Variants in MMP3 observed in about 807,000 individuals in gnomAD.
The protein encoded by MMP3 is stromelysin-1.
Under a neutral mutation model 47.3 loss-of-function variants are expected in MMP3, and 46 were observed. That is an observed-to-expected ratio of 0.97 (90% CI 0.77 to 1.24). MMP3 has a LOEUF of 1.24. Ranked by LOEUF, MMP3 falls within the 50% of genes most tolerant of loss-of-function variation. The pLI is 0.00. For missense variants in MMP3, 558 were observed against 565.5 expected (o/e 0.99, Z 0.13); for synonymous variants, 216 against 206.5 (o/e 1.05, Z -0.39).
chr11:102,840,778 C>T (rs987849957), intron 4 of MMP3, among the ~76,000 whole-genome samples, 185 bp from the exon 5 acceptor site: 8 of 152,092 alleles, frequency 5.3e-5, no homozygotes, highest in Non-Finnish European at 1.2e-4. Context: ...TATTTTAAAA[C>T]TCATACCTGT....
At chr11:102,842,404 CTTT>C (rs11418340) in intron 3 of MMP3, 24 bp downstream of exon 3, 68,321 of 785,474 alleles carry the variant, frequency 0.087, 113 homozygotes, top group Non-Finnish European at 0.097. Context: ...TTTTGTTTTG[CTTT>C]TTTTTTTTTT....
chr11:102,839,163 C>T lies in MMP3; in HGVS notation c.1016G>A (p.Gly339Asp). The change falls in exon 7 of 10, where the codon GGC (glycine) becomes GAC (aspartate). Residue 339 changes from glycine to aspartate, a missense_variant. Coordinates refer to ENST00000299855, the MANE Select transcript of MMP3 (RefSeq NM_002422.5). ...AGTAACTTCATATGCGGCATCCACG[C>T]CTGAAGGAAGAGATGGCCAAAATGA... ...ISSFWPSLPS[G>D]VDAAYEVTSK... The T allele has an allele frequency of 1.2e-6, 2 of 1,614,030 alleles. No individual in the cohort carries two copies. The highest frequency in any genetic ancestry group is 1.1e-5 in the South Asian group (1 of 91,066).
chr11:102,840,488 G>A lies in MMP3; in HGVS notation c.731C>T (p.Thr244Ile), dbSNP rs1381652352. The A allele has an allele frequency of 1.2e-6, 2 of 1,614,018 alleles. No homozygotes were observed. The highest frequency in any genetic ancestry group is 1.7e-6 in the Non-Finnish European group (2 of 1,180,002). Reference protein sequence around the residue: ...ALMYPLYHSLTDLTRFRLSQD... With the variant: ...ALMYPLYHSLIDLTRFRLSQD... ...AGACAGGCGGAACCGAGTCAGGTCTGTGAGTGAGTGATAGAGTGGGTACAT... is the reference window on the plus strand; with the variant it reads ...AGACAGGCGGAACCGAGTCAGGTCTATGAGTGAGTGATAGAGTGGGTACAT... Residue 244 changes from threonine to isoleucine, a missense_variant, in exon 5 of 10, where the codon ACA (threonine) becomes ATA (isoleucine). Coordinates refer to ENST00000299855, the MANE Select transcript of MMP3 (RefSeq NM_002422.5).
In MMP3 at chr11:102,838,548, C is replaced by T; in HGVS notation, c.1229+3G>A. 1 of 1,609,230 alleles carries T rather than the reference C, an allele frequency of 6.2e-7. No homozygotes were observed. The highest frequency in any genetic ancestry group is 8.5e-7 in the Non-Finnish European group (1 of 1,178,402). ...ATACAAAGTCATTTCTCTTGCATCT[C>T]ACCTCCAGTATTTGTCCTCTACAAA... On this transcript the variant is annotated splice_donor_region_variant and intron_variant, in intron 8 of 9. Coordinates refer to ENST00000299855, the MANE Select transcript of MMP3 (RefSeq NM_002422.5).
chr11:102,839,095 T>G lies in MMP3; in HGVS notation c.1069+15A>C, dbSNP rs1555005026. On this transcript the variant is annotated intron_variant, in intron 7 of 9. Transcript: ENST00000299855. Reference sequence around the variant, plus strand: ...TTACTTTGGCAAGTTAAACAAATGATGATATAGTAATTACCTTTAAAAATG... The same window carrying G: ...TTACTTTGGCAAGTTAAACAAATGAGGATATAGTAATTACCTTTAAAAATG... The G allele has an allele frequency of 3.7e-6, 6 of 1,602,850 alleles. No individual in the cohort carries two copies. The highest frequency in any genetic ancestry group is 5.1e-6 in the Non-Finnish European group (6 of 1,176,104).
rs1555005072 is a variant in MMP3 at position 102,839,219 on chromosome 11, C to T, written c.960G>A (p.Arg320=). 3 of 1,613,860 alleles carry T rather than the reference C, an allele frequency of 1.9e-6. No homozygotes were observed. Among genetic ancestry groups the T allele is most frequent in the South Asian group, 2.2e-5 (2 of 91,034 alleles). ...TCAAATGCAATTCAGGTTCAAGCTT[C>T]CTGAGGGATTTGCGCCAAAAGTGCC... ...KDRHFWRKSL[R]KLEPELHLIS... Residue 320 remains arginine, a synonymous_variant, in exon 7 of 10, where the codon AGG becomes AGA. Coordinates refer to ENST00000299855, the MANE Select transcript of MMP3 (RefSeq NM_002422.5).
Position 102,842,932 on chromosome 11 carries a change from T to C in MMP3, c.106-16A>G. On this transcript the variant is annotated splice_polypyrimidine_tract_variant and intron_variant, in intron 1 of 9. Coordinates refer to ENST00000299855, the MANE Select transcript of MMP3 (RefSeq NM_002422.5). ...CTAGATATTTCTAACAGAATAAGTA[T>C]AGTTTTTAGGTCACTCTTACAATTT... 6.4e-7 allele frequency: 1 copy of C among 1,574,406 alleles called. No homozygotes were observed. Among genetic ancestry groups the C allele is most frequent in the Non-Finnish European group, 8.6e-7 (1 of 1,158,090 alleles).
intron 4 of MMP3, 88 bp downstream of exon 4, chr11:102,842,066 C>A (rs1225122368): frequency 3.1e-6 from 4 of 1,305,464 alleles, no homozygotes; most frequent in Non-Finnish European, 4.0e-6. Flanking sequence ...TCCAGAACAT[C>A]TCATTTCTTG....
chr11:102,840,161 C>A lies in MMP3; in HGVS notation c.882G>T (p.Leu294Phe), dbSNP rs782356418. The A allele has an allele frequency of 6.2e-7, 1 of 1,614,010 alleles. No homozygotes were observed. The highest frequency in any genetic ancestry group is 8.5e-7 in the Non-Finnish European group (1 of 1,179,996). ...PGTPANCDPA[L>F]SFDAVSTLRG... ...TCAGAGTGCTGACAGCATCAAAGGA[C>A]AAAGCAGGATCACAGTTGGCTGGCG... Residue 294 changes from leucine to phenylalanine, a missense_variant, in exon 6 of 10, where the codon TTG (leucine) becomes TTT (phenylalanine). Transcript: ENST00000299855.
Position 102,842,716 on chromosome 11 carries a change from G to A in MMP3, c.306C>T (p.Thr102=), listed in dbSNP as rs41380244. The A allele has an allele frequency of 2.2e-5, 35 of 1,613,756 alleles. No individual in the cohort carries two copies. Among genetic ancestry groups the A allele is most frequent in the Admixed American group, 1.0e-4 (6 of 59,938 alleles). ...TCCTCCACTTCGGGATGCCAGGAAA[G>A]GTTCTGAAGTGACCAACATCAGGAA... The part of the protein sequence containing the change: ...CGVPDVGHFR[T]FPGIPKWRKT... Residue 102 remains threonine, a synonymous_variant, in exon 2 of 10, where the codon ACC becomes ACT. Coordinates refer to ENST00000299855, the MANE Select transcript of MMP3 (RefSeq NM_002422.5).
At chr11:102,838,832 G>T in intron 7 of MMP3, 122 bp from the exon 8 acceptor site, 1 of 1,212,658 alleles carries the variant, frequency 8.2e-7, no homozygotes. Flanking sequence ...TTTAGATTTA[G>T]TCACCAGCTT....
At position 102,837,291 on chromosome 11, in the gene MMP3, C is replaced by A. The variant is rs376779867; in HGVS notation, c.1333+7G>T. 3 of 1,602,592 alleles carry A rather than the reference C, an allele frequency of 1.9e-6. No homozygotes were observed. In the South Asian group the frequency reaches 3.3e-5, roughly 18 times the overall value. ...CTCTATGGCCAACACAGTAAGTATC[C>A]TCTTACCAAATTCTTCAAAAACAGC... On this transcript the variant is annotated splice_region_variant and intron_variant, in intron 9 of 9. Coordinates refer to ENST00000299855, the MANE Select transcript of MMP3 (RefSeq NM_002422.5). This position sits in a 1 kb window ranked among gnomAD's most constrained non-coding sequence, Gnocchi z 4.4.
chr11:102,841,007 C>T (rs1225232390), intron 4 of MMP3, among the ~76,000 whole-genome samples: 1 of 152,184 alleles, frequency 6.6e-6, no homozygotes, highest in East Asian at 1.9e-4. Context: ...TTGCCATTTG[C>T]AGTCTCAGTT....
At chr11:102,840,640 G>T (rs782305117) in intron 4 of MMP3, 47 bp from the exon 5 acceptor site, 13 of 1,590,182 alleles carry the variant, frequency 8.2e-6, no homozygotes, top group Non-Finnish European at 2.6e-6. Flanking sequence ...TTAAATACAT[G>T]TGCATTACAC....
chr11:102,839,022 C>G (rs994502073), intron 7 of MMP3, 88 bp downstream of exon 7: 1 of 1,436,480 alleles, frequency 7.0e-7, no homozygotes, highest in East Asian at 2.3e-5. Context: ...TTAGCCAGAA[C>G]TTGTAGTAGG....
At chr11:102,838,817 C>A in intron 7 of MMP3, 107 bp from the exon 8 acceptor site, 1 of 1,314,316 alleles carries the variant, frequency 7.6e-7, no homozygotes, top group South Asian at 1.4e-5. Flanking sequence ...AGTAGTAGCC[C>A]AAATTTTAGA....
Position 102,839,965 on chromosome 11 carries a change from G to A in MMP3, c.935+143C>T, listed in dbSNP as rs573995015. The stretch of plus-strand genomic sequence containing the variant: ...CAATTTTAGGAAAATGTGGGAAAAG[G>A]CAGCACCAGATCTAAATGATTCCAA... On this transcript the variant is annotated intron_variant, in intron 6 of 9. Coordinates refer to ENST00000299855, the MANE Select transcript of MMP3 (RefSeq NM_002422.5). 2.8e-5 allele frequency: 25 copies of A among 879,844 alleles called. No homozygotes were observed. In the African/African-American group the frequency reaches 3.4e-4, roughly 12 times the overall value. 54.5% of individuals were successfully genotyped at this position (879,844 alleles called of 1,614,324 possible).
At chr11:102,842,963 A>G (rs782159413) in intron 1 of MMP3, 47 bp from the exon 2 acceptor site, 6 of 1,453,382 alleles carry the variant, frequency 4.1e-6, no homozygotes, top group African/African-American at 2.9e-5. Context: ...AATTTTTACT[A>G]TAGCTATCTA....
chr11:102,837,455 C>G lies in MMP3; in HGVS notation c.1230-54G>C. 8.0e-7 allele frequency: 1 copy of G among 1,251,608 alleles called. No individual in the cohort carries two copies. Among genetic ancestry groups the G allele is most frequent in the East Asian group, 2.3e-5 (1 of 43,094 alleles). 77.5% of individuals were successfully genotyped at this position (1,251,608 alleles called of 1,614,324 possible). ...ATTGCATAGAGGCCATGTTACCGAA[C>G]ATCTTAGATCATGTTAGGTTTAATG... On this transcript the variant is annotated intron_variant, in intron 8 of 9. Transcript: ENST00000299855. The surrounding 1 kb of genome is among the most constrained non-coding windows in gnomAD (Gnocchi z 4.4).
Sources: gnomAD v4.1 joint callset for allele counts (sites outside exome capture counted in the v4.1 genomes callset) on GRCh38, gnomAD v4.1.1 for gene constraint, Gnocchi (gnomAD v3.1) non-coding constraint, MANE v1.5 for transcripts, NCBI Gene and HGNC (gene_info 2026-07-23, HGNC 2026-07-21) for gene names.